Variants in UQCC1 observed in about 807,000 individuals in gnomAD.
The protein encoded by UQCC1 is bFGF-repressed Zic-binding protein.
A neutral mutation model predicts 48.0 loss-of-function variants in UQCC1; 38 were observed. That is an observed-to-expected ratio of 0.79 (90% confidence interval 0.61 to 1.04). UQCC1 has a LOEUF of 1.04. Ranked by LOEUF, UQCC1 falls within the 50% of genes least tolerant of loss-of-function variation. The pLI, the probability that UQCC1 is intolerant of heterozygous loss-of-function variation, is 0.00. For missense variants in UQCC1, 368 were observed against 381.8 expected, an observed-to-expected ratio of 0.96 and a Z score of 0.30; for synonymous variants, 111 against 129.2, an observed-to-expected ratio of 0.86 and a Z score of 0.95.
intron 5 of UQCC1, among the ~76,000 whole-genome samples, chr20:35,367,606 A>G (rs1414665726): frequency 6.6e-6 from 1 of 151,956 alleles, no homozygotes; most frequent in Non-Finnish European, 1.5e-5. Flanking sequence ...AAAAAACTAC[A>G]AACATTAGCT....
intron 8 of UQCC1, among the ~76,000 whole-genome samples, chr20:35,308,578 A>C (rs1350824346): frequency 6.6e-6 from 1 of 152,270 alleles, no homozygotes; most frequent in Non-Finnish European, 1.5e-5. Context: ...AGCCATCAGA[A>C]GGAAAAGGAT....
chr20:35,410,467 G>A (rs2062332552), intron 1 of UQCC1, among the ~76,000 whole-genome samples: 2 of 150,478 alleles, frequency 1.3e-5, no homozygotes, highest in East Asian at 2.0e-4. Flanking sequence ...AGGAGGCAGA[G>A]GTTGCAGTGA....
At chr20:35,373,799 G>T (rs897442594) in intron 5 of UQCC1, among the ~76,000 whole-genome samples, 1 of 151,528 alleles carries the variant, frequency 6.6e-6, no homozygotes, top group African/African-American at 2.4e-5. Context: ...TAATGTCAAA[G>T]TACAGTTTGT....
chr20:35,322,564 T>C (rs1394592405), intron 7 of UQCC1, among the ~76,000 whole-genome samples: 2 of 151,944 alleles, frequency 1.3e-5, no homozygotes, highest in African/African-American at 4.8e-5. Flanking sequence ...TGAAACCCCA[T>C]GTCTACTAAA....
intron 7 of UQCC1, among the ~76,000 whole-genome samples, chr20:35,328,231 G>T (rs11906743): frequency 0.014 from 2,076 of 152,228 alleles, 38 homozygotes; most frequent in African/African-American, 0.047. Flanking sequence ...CCTAGGAAAC[G>T]CACTGAAATC....
intron 9 of UQCC1, 172 bp downstream of exon 9, chr20:35,306,494 C>T (rs760999828): frequency 3.6e-5 from 21 of 589,460 alleles, no homozygotes; most frequent in African/African-American, 5.6e-5. Flanking sequence ...TGGCCCAGTT[C>T]ATGGTTGGAC....
intron 7 of UQCC1, 146 bp downstream of exon 7, chr20:35,347,018 A>G: frequency 1.9e-6 from 3 of 1,579,072 alleles, no homozygotes; most frequent in Non-Finnish European, 2.6e-6. Flanking sequence ...AGAGGCAGAA[A>G]AAGTGACTTT....
intron 6 of UQCC1, among the ~76,000 whole-genome samples, chr20:35,352,532 T>C (rs983736918): frequency 1.3e-5 from 2 of 152,208 alleles, no homozygotes; most frequent in Non-Finnish European, 2.9e-5. Context: ...AATATAGTCA[T>C]GTACCACATA....
intron 2 of UQCC1, among the ~76,000 whole-genome samples, chr20:35,392,778 G>A (rs980370225): frequency 9.2e-5 from 14 of 151,708 alleles, no homozygotes; most frequent in Admixed American, 7.2e-4. Context: ...ATTAATTGGA[G>A]GGAATTTTTA....
chr20:35,350,917 C>T (rs2061483611), intron 6 of UQCC1, among the ~76,000 whole-genome samples: 1 of 151,788 alleles, frequency 6.6e-6, no homozygotes, highest in South Asian at 2.1e-4. Context: ...TGGTACAAAC[C>T]TGTAGTCCCA....
At chr20:35,388,308 T>TTCTTTTTTTTG (rs67663221) in intron 2 of UQCC1, among the ~76,000 whole-genome samples, 1 of 121,250 alleles carries the variant, frequency 8.2e-6, no homozygotes, top group Middle Eastern at 4.8e-3. Flanking sequence ...TCTTTTTTTT[T>TTCTTTTTTTTG]GAGACAGGGT....
intron 1 of UQCC1, among the ~76,000 whole-genome samples, chr20:35,404,464 C>T (rs2062219298): frequency 6.6e-6 from 1 of 151,826 alleles, no homozygotes; most frequent in South Asian, 2.1e-4. Flanking sequence ...GGCGTGAACC[C>T]GGGAGGTGGA....
chr20:35,401,677 T>TTTTC, intron 1 of UQCC1, among the ~76,000 whole-genome samples: 1 of 151,374 alleles, frequency 6.6e-6, no homozygotes, highest in East Asian at 1.9e-4. Context: ...TTTTTTTTTT[T>TTTTC]TGAGACAGAG....
At chr20:35,336,505 C>T (rs1176476470) in intron 7 of UQCC1, among the ~76,000 whole-genome samples, 1 of 152,166 alleles carries the variant, frequency 6.6e-6, no homozygotes, top group Non-Finnish European at 1.5e-5. Flanking sequence ...AACATGACTA[C>T]AGAGGCAGAA....
intron 4 of UQCC1, among the ~76,000 whole-genome samples, chr20:35,381,069 T>C (rs1027459958): frequency 3.3e-5 from 5 of 152,196 alleles, no homozygotes; most frequent in African/African-American, 1.2e-4. Flanking sequence ...GTTAGAGGTA[T>C]TATTATAAAA....
intron 7 of UQCC1, among the ~76,000 whole-genome samples, chr20:35,330,780 A>G (rs191167488): frequency 3.7e-4 from 57 of 152,192 alleles, no homozygotes; most frequent in Admixed American, 8.5e-4. Flanking sequence ...CCTGGGCTGG[A>G]AAATTTTTAT....
chr20:35,311,437 C>T (rs1354449625), intron 8 of UQCC1, among the ~76,000 whole-genome samples: 1 of 152,206 alleles, frequency 6.6e-6, no homozygotes, highest in Non-Finnish European at 1.5e-5. Flanking sequence ...ATGGTAGTCA[C>T]ATATAGTAAC....
At chr20:35,401,493 C>T (rs1006253084) in intron 1 of UQCC1, among the ~76,000 whole-genome samples, 4 of 152,130 alleles carry the variant, frequency 2.6e-5, no homozygotes, top group Non-Finnish European at 4.4e-5. Flanking sequence ...CAGGAACACA[C>T]ACATTGGCAG....
chr20:35,321,206 G>A (rs2061120720), intron 7 of UQCC1, among the ~76,000 whole-genome samples: 1 of 151,780 alleles, frequency 6.6e-6, no homozygotes, highest in Non-Finnish European at 1.5e-5. Context: ...ACGACTGAAA[G>A]ATCTATTGAG....
Sources: allele counts gnomAD v4.1 joint callset (sites outside exome capture counted in the v4.1 genomes callset), GRCh38; gene constraint gnomAD v4.1.1; transcripts MANE v1.5; gene names NCBI Gene and HGNC (gene_info 2026-07-23, HGNC 2026-07-21).